Variants in SLC24A2 observed in about 807,000 individuals in gnomAD.
SLC24A2 encodes solute carrier family 24 member 2.
SLC24A2 carries 36 observed loss-of-function variants against 62.0 expected under a neutral mutation model. The ratio of observed to expected loss-of-function variants is 0.58; its 90% CI spans 0.44 to 0.77. The LOEUF is 0.77. Ranked by LOEUF, SLC24A2 falls within the 30% of genes least tolerant of loss-of-function variation. SLC24A2 has a pLI of 0.00. For missense variants in SLC24A2, 846 were observed against 817.9 expected, an observed-to-expected ratio of 1.03 and a Z score of -0.42; for synonymous variants, 358 against 294.0, an observed-to-expected ratio of 1.22 and a Z score of -2.23.
At chr9:19,677,915 C>G (rs930365402) in intron 2 of SLC24A2, among the ~76,000 whole-genome samples, 6 of 151,338 alleles carry the variant, frequency 4.0e-5, no homozygotes, top group African/African-American at 1.5e-4. Flanking sequence ...AAAATATAAA[C>G]ACACACACAC....
the SLC24A2 span, among the ~76,000 whole-genome samples, chr9:20,220,347 C>G: frequency 2.0e-5 from 3 of 152,116 alleles, no homozygotes; most frequent in Non-Finnish European, 4.4e-5. Context: ...ATCACCACCT[C>G]GGATGCACCC....
At chr9:20,004,366 T>G in the SLC24A2 span, among the ~76,000 whole-genome samples, 116,735 of 152,100 alleles carry the variant, frequency 0.77, 44,884 homozygotes, top group Admixed American at 0.79. Context: ...GGGAAGCTGG[T>G]CATAAAACAG....
chr9:19,743,600 G>C (rs1037557293), intron 2 of SLC24A2, among the ~76,000 whole-genome samples: 2 of 152,108 alleles, frequency 1.3e-5, no homozygotes, highest in Non-Finnish European at 2.9e-5. Context: ...TTCAAAAAGA[G>C]AGAAAGATTT....
chr9:19,763,352 T>C (rs934474578), intron 2 of SLC24A2, among the ~76,000 whole-genome samples: 2 of 152,222 alleles, frequency 1.3e-5, no homozygotes, highest in African/African-American at 4.8e-5. Context: ...TCCAATACTA[T>C]GTTGAATAGC....
At chr9:19,574,898 GT>G (rs1194653599) in intron 6 of SLC24A2, among the ~76,000 whole-genome samples, 1 of 152,120 alleles carries the variant, frequency 6.6e-6, no homozygotes, top group African/African-American at 2.4e-5. Flanking sequence ...GTTTCTGGGG[GT>G]ATCAGAATGC....
chr9:19,875,468 C>T, the SLC24A2 span, among the ~76,000 whole-genome samples: 26 of 152,268 alleles, frequency 1.7e-4, no homozygotes, highest in Admixed American at 1.6e-3. Flanking sequence ...TTATGACATA[C>T]GGAGCCTCTT....
At chr9:19,823,037 C>T in the SLC24A2 span, among the ~76,000 whole-genome samples, 2 of 152,054 alleles carry the variant, frequency 1.3e-5, no homozygotes, top group Admixed American at 6.6e-5. Flanking sequence ...CAGGAATTTC[C>T]CCAGTAAAAT....
At chr9:19,874,827 A>G in the SLC24A2 span, among the ~76,000 whole-genome samples, 1 of 152,134 alleles carries the variant, frequency 6.6e-6, no homozygotes, top group Non-Finnish European at 1.5e-5. Flanking sequence ...ATTGTAAGCA[A>G]ATAATTTGAG....
chr9:19,556,892 ACTT>A (rs1405896812), intron 7 of SLC24A2, among the ~76,000 whole-genome samples: 3 of 152,160 alleles, frequency 2.0e-5, no homozygotes, highest in African/African-American at 7.2e-5. Flanking sequence ...CTGTACAAGA[ACTT>A]CTTACTCAAT....
chr9:20,085,304 G>C, the SLC24A2 span, among the ~76,000 whole-genome samples: 2 of 152,130 alleles, frequency 1.3e-5, no homozygotes, highest in African/African-American at 4.8e-5. Flanking sequence ...TGGCCCCAAG[G>C]TCTGTTTTGA....
At chr9:19,554,435 C>A (rs1011968053) in intron 7 of SLC24A2, among the ~76,000 whole-genome samples, 1 of 152,228 alleles carries the variant, frequency 6.6e-6, no homozygotes, top group African/African-American at 2.4e-5. Context: ...AATTCTACCC[C>A]ATTTTATATC....
At chr9:19,934,191 T>C in the SLC24A2 span, among the ~76,000 whole-genome samples, 2 of 152,208 alleles carry the variant, frequency 1.3e-5, no homozygotes, top group African/African-American at 4.8e-5. The surrounding 1 kb of genome is among the most constrained non-coding windows in gnomAD (Gnocchi z 4.1). Flanking sequence ...CTTGCTTTTA[T>C]GACGCCTACA....
intron 2 of SLC24A2, among the ~76,000 whole-genome samples, chr9:19,674,472 T>C (rs1040516151): frequency 1.3e-5 from 2 of 152,242 alleles, no homozygotes; most frequent in African/African-American, 2.4e-5. Context: ...TCCAAACTTT[T>C]AGATTTCTCT....
At chr9:19,751,452 C>G (rs578112744) in intron 2 of SLC24A2, among the ~76,000 whole-genome samples, 1 of 152,096 alleles carries the variant, frequency 6.6e-6, no homozygotes, top group African/African-American at 2.4e-5. Context: ...ACTGGAGAAC[C>G]ACTGAAGCTG....
At chr9:19,644,021 A>G (rs1293255806) in intron 2 of SLC24A2, among the ~76,000 whole-genome samples, 2 of 152,266 alleles carry the variant, frequency 1.3e-5, no homozygotes, top group Non-Finnish European at 2.9e-5. Flanking sequence ...CATTGTGAAT[A>G]ATAAACTGCA....
the SLC24A2 span, among the ~76,000 whole-genome samples, chr9:19,843,951 G>A: frequency 6.6e-6 from 1 of 152,296 alleles, no homozygotes; most frequent in African/African-American, 2.4e-5. Context: ...TTGAATCCAT[G>A]TCTTTGCTAT....
the SLC24A2 span, among the ~76,000 whole-genome samples, chr9:20,174,125 G>T: frequency 6.6e-6 from 1 of 151,986 alleles, no homozygotes; most frequent in Non-Finnish European, 1.5e-5. Context: ...AACAAATGAT[G>T]CTGGATAATT....
the SLC24A2 span, among the ~76,000 whole-genome samples, chr9:20,184,232 T>G: frequency 6.6e-6 from 1 of 152,208 alleles, no homozygotes; most frequent in Non-Finnish European, 1.5e-5. Context: ...ACCTCATACC[T>G]GTTTGAATGC....
At chr9:20,142,513 C>T in the SLC24A2 span, among the ~76,000 whole-genome samples, 4 of 148,494 alleles carry the variant, frequency 2.7e-5, no homozygotes, top group Non-Finnish European at 4.4e-5. Flanking sequence ...AAGCAATGAA[C>T]GATAAAGTTT....
Sources: gnomAD v4.1 joint callset for allele counts (sites outside exome capture counted in the v4.1 genomes callset) on GRCh38, gnomAD v4.1.1 for gene constraint, Gnocchi (gnomAD v3.1) non-coding constraint, MANE v1.5 for transcripts, NCBI Gene and HGNC (gene_info 2026-07-23, HGNC 2026-07-21) for gene names.